The following ELL variants were observed in gnomAD, a reference collection of about 807,000 sequenced individuals.
The protein encoded by ELL is RNA polymerase II elongation factor ELL.
In ELL, 18 loss-of-function variants were observed where a neutral mutation model predicts 64.0. That is an observed-to-expected ratio of 0.28 (90% CI 0.19 to 0.42). The LOEUF is 0.42. ELL is among the 10% of genes least tolerant of loss of function. ELL has a pLI of 1.00. For missense variants in ELL, 797 were observed against 870.4 expected, an observed-to-expected ratio of 0.92 and a Z score of 1.06; for synonymous variants, 399 against 376.2, an observed-to-expected ratio of 1.06 and a Z score of -0.70.
intron 8 of ELL, among the ~76,000 whole-genome samples, chr19:18,447,974 TG>T (rs1216123565): frequency 6.6e-6 from 1 of 152,000 alleles, no homozygotes; most frequent in Non-Finnish European, 1.5e-5. Context: ...TTTGTAGAGA[TG>T]GGGTCTCACT....
At chr19:18,512,262 C>G (rs1183833929) in intron 1 of ELL, among the ~76,000 whole-genome samples, 1 of 148,582 alleles carries the variant, frequency 6.7e-6, no homozygotes, top group Non-Finnish European at 1.5e-5. Context: ...GATGTTGAGG[C>G]TGCAGTGAGC....
intron 4 of ELL, among the ~76,000 whole-genome samples, chr19:18,464,586 A>C (rs1180777109): frequency 6.6e-6 from 1 of 152,152 alleles, no homozygotes. Context: ...TGCTCAGCAA[A>C]GGGAAATCAC....
At chr19:18,499,923 C>T (rs985953590) in intron 1 of ELL, among the ~76,000 whole-genome samples, 2 of 152,138 alleles carry the variant, frequency 1.3e-5, no homozygotes, top group Admixed American at 6.5e-5. Flanking sequence ...ATCAATGACC[C>T]CAAATAATAT....
intron 1 of ELL, among the ~76,000 whole-genome samples, chr19:18,474,364 C>T (rs1975132061): frequency 6.6e-6 from 1 of 152,206 alleles, no homozygotes; most frequent in South Asian, 2.1e-4. Flanking sequence ...CTTTGGTCTA[C>T]CAGGAGCCCC....
At chr19:18,453,757 C>T (rs550287971) in intron 6 of ELL, among the ~76,000 whole-genome samples, 1 of 152,168 alleles carries the variant, frequency 6.6e-6, no homozygotes, top group Admixed American at 6.5e-5. Flanking sequence ...GAGGGTCTCA[C>T]TATGTTGCCC....
At chr19:18,447,770 T>C (rs1243276905) in intron 8 of ELL, among the ~76,000 whole-genome samples, 2 of 152,092 alleles carry the variant, frequency 1.3e-5, no homozygotes, top group African/African-American at 4.8e-5. Flanking sequence ...CAATTTCAGA[T>C]GTATCCTCAA....
intron 2 of ELL, among the ~76,000 whole-genome samples, chr19:18,469,106 G>C (rs369203225): frequency 6.6e-5 from 10 of 152,316 alleles, no homozygotes; most frequent in Non-Finnish European, 1.3e-4. Flanking sequence ...CTGCATGAAG[G>C]GGGGTGACAC....
rs747916493 is a variant in ELL, at chr19:18,458,322, T to C, written c.752A>G (p.Asn251Ser). 11 of 1,610,918 alleles carry C rather than the reference T, an allele frequency of 6.8e-6. No individual in the cohort carries two copies. The highest frequency in any genetic ancestry group is 5.0e-5 in the Admixed American group (3 of 59,912). ...ACACGTGCCGTCCTTAGCACTCATG[T>C]TGGCCACCTGCAAGACAGAGCCAGC... ...ALDGLLQQVA[N>S]MSAKDGTCTL... The change falls in exon 6 of 12, where the codon AAC (asparagine) becomes AGC (serine). Residue 251 changes from asparagine (N) to serine (S), a missense_variant. Physicochemically the swap from Asn to Ser is conservative, Grantham distance 46 (BLOSUM62 1). Transcript: ENST00000262809.
intron 1 of ELL, among the ~76,000 whole-genome samples, chr19:18,519,949 A>G (rs1976224696): frequency 6.6e-6 from 1 of 152,198 alleles, no homozygotes; most frequent in Non-Finnish European, 1.5e-5. Context: ...ATGGCTTGGA[A>G]AAGTTCTTCT....
Position 18,461,694 on chromosome 19 carries a change from G to A in ELL, c.628C>T (p.Arg210Ter), listed in dbSNP as rs750023795. 1 of 1,613,518 alleles carries A rather than the reference G, an allele frequency of 6.2e-7. No individual in the cohort carries two copies. The highest frequency in any genetic ancestry group is 8.5e-7 in the Non-Finnish European group (1 of 1,179,958). The change falls in exon 5 of 12, where the codon CGA becomes TGA. Residue 210 changes from arginine (R) to a stop codon, truncating the protein, a stop_gained. Transcript: ENST00000262809. LOFTEE classifies it high-confidence loss of function. ...SGVSQRPFRDRVLHLLALRPY... is the reference protein window; with the variant it reads ...SGVSQRPFRD Reference sequence around the variant, plus strand: ...CGTAGTGCCAGGAGGTGCAGCACTCGGTCACGGAAGGGCCTCTGGGACACC... The same window carrying A: ...CGTAGTGCCAGGAGGTGCAGCACTCAGTCACGGAAGGGCCTCTGGGACACC...
intron 1 of ELL, among the ~76,000 whole-genome samples, chr19:18,507,152 A>C (rs1462567516): frequency 6.6e-6 from 1 of 152,210 alleles, no homozygotes; most frequent in Non-Finnish European, 1.5e-5. Context: ...GGCGTCTGAG[A>C]GCATCCAACT....
rs1221418165 is a variant in ELL at position 18,513,836 on chromosome 19, C to G, written c.135+8085G>C. Among the ~76,000 whole-genome samples, 3 of 152,088 alleles carry G rather than the reference C, an allele frequency of 2.0e-5. No homozygotes were observed. In the South Asian group the frequency reaches 6.2e-4, roughly 32 times the overall value. On this transcript the variant is annotated intron_variant, in intron 1 of 11. Transcript: ENST00000262809. ...GTCCCAGCTACGCAAGAGGCTGAGG[C>G]AGGAGAATGGCATGAACCTGGGAGG...
At position 18,501,239 on chromosome 19, in the gene ELL, G is replaced by GCACAGCCATGGACCA. The variant is rs1179290668; in HGVS notation, c.135+20667_135+20681dup. 2.0e-5 allele frequency among the ~76,000 whole-genome samples: 3 copies of GCACAGCCATGGACCA among 152,130 alleles called. No homozygotes were observed. The East Asian group carries it at 5.8e-4, about 29-fold the overall frequency. ...ACCACCCAATGGGAAACAGTGGTGA[G>GCACAGCCATGGACCA]CACAGCCATGGACCACAGAGAGTAA... On this transcript the variant is annotated intron_variant, in intron 1 of 11. Transcript: ENST00000262809. This position sits in a 1 kb window ranked among gnomAD's most constrained non-coding sequence, Gnocchi z 4.5.
intron 1 of ELL, chr19:18,475,779 C>G (rs1975161805): frequency 6.6e-6 from 1 of 152,088 alleles, no homozygotes; most frequent in African/African-American, 2.4e-5. Context: ...TGGGGAGTGG[C>G]TGCAGCCGGG....
At chr19:18,488,991 G>C (rs1049240354) in intron 1 of ELL, among the ~76,000 whole-genome samples, 78 of 152,238 alleles carry the variant, frequency 5.1e-4, no homozygotes, top group African/African-American at 1.6e-3. Flanking sequence ...TGCATCTGCA[G>C]ACCGACTTCC....
chr19:18,479,807 C>T (rs1487727557), intron 1 of ELL, among the ~76,000 whole-genome samples: 1 of 151,500 alleles, frequency 6.6e-6, no homozygotes, highest in African/African-American at 2.4e-5. Context: ...GACACACAGA[C>T]AGATGGACGG....
chr19:18,483,018 C>T (rs556366057), intron 1 of ELL, among the ~76,000 whole-genome samples: 20 of 152,114 alleles, frequency 1.3e-4, no homozygotes, highest in Admixed American at 7.9e-4. Context: ...TGGGCTCAAG[C>T]GATCCTCTCA....
Position 18,444,127 on chromosome 19 carries a change from C to T in ELL, c.*625G>A, listed in dbSNP as rs1974356629. ...GAGTTCTCAAAATAGCCACCTGGGC[C>T]ACCCTGTTTGCTTGCTGGAGCAGAG... On this transcript the variant is annotated 3_prime_UTR_variant, in exon 12 of 12. Transcript: ENST00000262809. The T allele has an allele frequency of 4.3e-6, 1 of 230,668 alleles. No homozygotes were observed. Among genetic ancestry groups the T allele is most frequent in the African/African-American group, 2.2e-5 (1 of 45,162 alleles). 14.3% of individuals were successfully genotyped at this position (230,668 alleles called of 1,614,324 possible). A position where few individuals can be genotyped will look rare whatever the true frequency, so the allele number is the denominator to read the frequency against.
chr19:18,464,203 T>C (rs561201117), intron 4 of ELL, among the ~76,000 whole-genome samples: 2 of 152,092 alleles, frequency 1.3e-5, no homozygotes, highest in East Asian at 1.9e-4. Context: ...GCTCTGTCTC[T>C]ACAAAAAATC....
Sources: gnomAD v4.1 joint callset for allele counts (sites outside exome capture counted in the v4.1 genomes callset) on GRCh38, gnomAD v4.1.1 for gene constraint, Gnocchi (gnomAD v3.1) non-coding constraint, MANE v1.5 for transcripts, NCBI Gene and HGNC (gene_info 2026-07-23, HGNC 2026-07-21) for gene names.